The following CADPS variants were observed in gnomAD, a reference collection of about 807,000 sequenced individuals.
CADPS encodes the protein calcium dependent secretion activator.
Under a neutral mutation model 167.3 loss-of-function variants are expected in CADPS, and 57 were observed. The ratio of observed to expected loss-of-function variants is 0.34; its 90% CI spans 0.28 to 0.42. The LOEUF (loss-of-function observed/expected upper bound fraction) is 0.42, where lower values mean the gene tolerates loss of function less well. Ranked by LOEUF, CADPS falls within the 20% of genes least tolerant of loss-of-function variation. The pLI, the probability that CADPS is intolerant of heterozygous loss-of-function variation, is 1.00. For missense variants in CADPS, 1,414 were observed against 1,738.1 expected (o/e 0.81, Z 3.32); for synonymous variants, 676 against 635.3 (o/e 1.06, Z -0.96).
rs1407664545 is a variant in CADPS at position 62,514,281 on chromosome 3, C to T, written c.2582-1513G>A. 6.6e-6 allele frequency among the ~76,000 whole-genome samples: 1 copy of T among 151,966 alleles called. No homozygotes were observed. The highest frequency in any genetic ancestry group is 1.9e-4 in the East Asian group (1 of 5,172). On this transcript the variant is annotated intron_variant, in intron 16 of 29. Transcript: ENST00000383710. The surrounding 1 kb of genome is among the most constrained non-coding windows in gnomAD (Gnocchi z 4.2). ...GGTGGACTATGTTCATGAAAGAAAA[C>T]CTGATACATGCAGCCAGAGGATGTT...
intron 4 of CADPS, among the ~76,000 whole-genome samples, chr3:62,652,654 G>A (rs754190956): frequency 8.6e-5 from 13 of 151,846 alleles, no homozygotes; most frequent in Non-Finnish European, 1.6e-4. Context: ...GAGAGAAAGA[G>A]GTAGAGACAA....
intron 9 of CADPS, among the ~76,000 whole-genome samples, chr3:62,561,431 T>A (rs1330572355): frequency 6.6e-6 from 1 of 151,856 alleles, no homozygotes; most frequent in Non-Finnish European, 1.5e-5. Flanking sequence ...TTTTTTTTTT[T>A]TTAATTTTTT....
intron 1 of CADPS, among the ~76,000 whole-genome samples, chr3:62,867,257 C>G (rs141911866): frequency 6.6e-6 from 1 of 152,066 alleles, no homozygotes; most frequent in East Asian, 1.9e-4. Flanking sequence ...AGCATAGTGC[C>G]TTTCCTCATA....
Position 62,800,561 on chromosome 3 carries a change from A to G in CADPS, c.442-34577T>C, listed in dbSNP as rs144785144. Among the ~76,000 whole-genome samples the G allele has an allele frequency of 4.0e-5, 6 of 151,780 alleles. 1 individual carries two copies. Among genetic ancestry groups the G allele is most frequent in the African/African-American group, 1.4e-4 (6 of 41,500 alleles). On this transcript the variant is annotated intron_variant, in intron 1 of 29. Transcript: ENST00000383710. ...TGTTTACTGAATGTGAGTTAACATG[A>G]CTTATTAAATATAGAAATATGTTTA...
At chr3:62,497,237 C>T (rs537294342) in intron 18 of CADPS, among the ~76,000 whole-genome samples, 1 of 152,134 alleles carries the variant, frequency 6.6e-6, no homozygotes, top group Admixed American at 6.5e-5. Flanking sequence ...TAGCAGCCTC[C>T]AAAAATAACT....
intron 13 of CADPS, among the ~76,000 whole-genome samples, chr3:62,521,531 A>G (rs2070592533): frequency 6.6e-6 from 1 of 152,180 alleles, no homozygotes; most frequent in Admixed American, 6.5e-5. Flanking sequence ...CTAGCTCTGC[A>G]TCTTGTTCCT....
intron 28 of CADPS, among the ~76,000 whole-genome samples, chr3:62,422,476 T>G (rs1420213076): frequency 6.6e-6 from 1 of 152,160 alleles, no homozygotes; most frequent in Non-Finnish European, 1.5e-5. Flanking sequence ...CTTTTCTCCT[T>G]TCTTCCTTCC....
intron 13 of CADPS, among the ~76,000 whole-genome samples, chr3:62,525,325 C>T (rs891425962): frequency 2.0e-5 from 3 of 152,022 alleles, no homozygotes; most frequent in Non-Finnish European, 4.4e-5. Flanking sequence ...CCTACTTATA[C>T]GTAAAATTTG....
chr3:62,707,456 C>T lies in CADPS; in HGVS notation c.889-45062G>A, dbSNP rs1010837372. Among the ~76,000 whole-genome samples, 4 of 152,092 alleles carry T rather than the reference C, an allele frequency of 2.6e-5. No individual in the cohort carries two copies. The South Asian group carries it at 6.2e-4, about 24-fold the overall frequency. On this transcript the variant is annotated intron_variant, in intron 3 of 29. Transcript: ENST00000383710. ...ACCATTATATCCATAACACTCAACACGATGCCTAACACATAGTAAGTACTG... is the reference window on the plus strand; with the variant it reads ...ACCATTATATCCATAACACTCAACATGATGCCTAACACATAGTAAGTACTG...
At chr3:62,459,025 T>A (rs2059024684) in intron 26 of CADPS, among the ~76,000 whole-genome samples, 1 of 152,210 alleles carries the variant, frequency 6.6e-6, no homozygotes, top group African/African-American at 2.4e-5. Flanking sequence ...AATAAGGATG[T>A]CCTAGTAGGC....
intron 28 of CADPS, among the ~76,000 whole-genome samples, chr3:62,432,029 C>T (rs752817123): frequency 1.6e-4 from 25 of 151,896 alleles, no homozygotes; most frequent in Non-Finnish European, 2.6e-4. Flanking sequence ...GTATTAATTA[C>T]TCCCTCCCTC....
At chr3:62,631,909 T>C (rs983424856) in intron 6 of CADPS, among the ~76,000 whole-genome samples, 3 of 152,148 alleles carry the variant, frequency 2.0e-5, no homozygotes, top group African/African-American at 4.8e-5. Context: ...TCACTTTCTC[T>C]CGGTATATAG....
chr3:62,759,706 A>G (rs902690609), intron 2 of CADPS, among the ~76,000 whole-genome samples: 1 of 152,306 alleles, frequency 6.6e-6, no homozygotes, highest in South Asian at 2.1e-4. Flanking sequence ...GTACCTGGAA[A>G]GATAGAAACC....
intron 13 of CADPS, among the ~76,000 whole-genome samples, chr3:62,525,287 G>T (rs1292629619): frequency 6.6e-6 from 1 of 152,102 alleles, no homozygotes; most frequent in Non-Finnish European, 1.5e-5. Flanking sequence ...AAGTTCCAAA[G>T]TGAATTTCTC....
At chr3:62,615,645 C>G (rs1403826518) in intron 6 of CADPS, among the ~76,000 whole-genome samples, 1 of 152,162 alleles carries the variant, frequency 6.6e-6, no homozygotes, top group African/African-American at 2.4e-5. Flanking sequence ...CTTTGGCTAA[C>G]AGTGACTGTC....
rs4019273 is a variant in CADPS at position 62,631,109 on chromosome 3, T to TACACAC, written c.1325+14607_1325+14612dup. On this transcript the variant is annotated intron_variant, in intron 6 of 29. Coordinates refer to ENST00000383710, the MANE Select transcript of CADPS (RefSeq NM_003716.4). ...TACTTTAAAAACTTTATCTGTATAA[T>TACACAC]ACACACACACACACACACACACACA... is the stretch of plus-strand genomic sequence containing the variant. Among the ~76,000 whole-genome samples the TACACAC allele has an allele frequency of 1.0e-4, 15 of 149,440 alleles. No individual in the cohort carries two copies. The East Asian group carries it at 1.2e-3, about 12-fold the overall frequency.
chr3:62,798,625 T>C (rs1037302360), intron 1 of CADPS, among the ~76,000 whole-genome samples: 11 of 152,104 alleles, frequency 7.2e-5, no homozygotes, highest in Non-Finnish European at 1.3e-4. Flanking sequence ...AGAATACTAA[T>C]ACAAACAGGG....
chr3:62,773,907 T>C (rs750382555), intron 1 of CADPS, among the ~76,000 whole-genome samples: 2 of 152,140 alleles, frequency 1.3e-5, no homozygotes, highest in East Asian at 1.9e-4. Context: ...AATAGACCAA[T>C]CAGCATGCTA....
intron 1 of CADPS, among the ~76,000 whole-genome samples, chr3:62,794,386 C>T (rs2093215986): frequency 6.6e-6 from 1 of 152,148 alleles, no homozygotes; most frequent in Admixed American, 6.5e-5. Flanking sequence ...CAGTGGTCCA[C>T]AGGATGTGCA....
Sources: allele counts gnomAD v4.1 joint callset (sites outside exome capture counted in the v4.1 genomes callset), GRCh38; gene constraint gnomAD v4.1.1; non-coding constraint Gnocchi (gnomAD v3.1); transcripts MANE v1.5; gene names NCBI Gene and HGNC (gene_info 2026-07-23, HGNC 2026-07-21).